Variants in KANSL1 observed in about 807,000 individuals in gnomAD.
KANSL1 encodes the protein MLL1/MLL complex subunit KANSL1.
A neutral mutation model predicts 103.6 loss-of-function variants in KANSL1; 22 were observed. The ratio of observed to expected loss-of-function variants is 0.21; its 90% CI spans 0.15 to 0.30. The LOEUF (loss-of-function observed/expected upper bound fraction) is 0.30. KANSL1 is among the 10% of genes least tolerant of loss of function. The pLI, the probability that KANSL1 is intolerant of heterozygous loss-of-function variation, is 1.00. For synonymous variants in KANSL1, 600 were observed against 527.6 expected, an observed-to-expected ratio of 1.14 and a Z score of -1.88; for missense variants, 1,337 against 1,399.8, an observed-to-expected ratio of 0.96 and a Z score of 0.72.
chr17:46,091,342 A>G (rs1423925469), intron 3 of KANSL1, among the ~76,000 whole-genome samples: 1 of 152,252 alleles, frequency 6.6e-6, no homozygotes, highest in Admixed American at 6.5e-5. Flanking sequence ...TTATTACAAA[A>G]GAGTCAAAAA....
At chr17:46,220,355 T>A (rs1349683970) in intron 1 of KANSL1, among the ~76,000 whole-genome samples, 2 of 151,740 alleles carry the variant, frequency 1.3e-5, no homozygotes, top group African/African-American at 4.8e-5. Context: ...TAGCTGCAAC[T>A]ACAGGCGCCT....
At chr17:46,100,417 G>A (rs2042257972) in intron 2 of KANSL1, among the ~76,000 whole-genome samples, 1 of 139,442 alleles carries the variant, frequency 7.2e-6, no homozygotes. Context: ...CCTTCAGCCT[G>A]TACAACAGAG....
intron 1 of KANSL1, among the ~76,000 whole-genome samples, chr17:46,219,734 C>A (rs1373908142): frequency 6.6e-6 from 1 of 152,244 alleles, no homozygotes; most frequent in African/African-American, 2.4e-5. Flanking sequence ...ATTCAAAATT[C>A]TTGAAGATCC....
intron 1 of KANSL1, among the ~76,000 whole-genome samples, chr17:46,202,938 A>C (rs1224446841): frequency 6.6e-6 from 1 of 152,274 alleles, no homozygotes; most frequent in Non-Finnish European, 1.5e-5. Context: ...CTTTGGTATA[A>C]GAAGTCCTTC....
chr17:46,123,389 G>A (rs1598681912), intron 2 of KANSL1, among the ~76,000 whole-genome samples: 1 of 152,118 alleles, frequency 6.6e-6, no homozygotes, highest in Admixed American at 6.5e-5. Flanking sequence ...AAAAGAAAAA[G>A]AATATATATT....
chr17:46,095,249 C>T lies in KANSL1; in HGVS notation c.1290-548G>A, dbSNP rs1299185277. Among the ~76,000 whole-genome samples the T allele has an allele frequency of 3.9e-5, 6 of 152,066 alleles. No individual in the cohort carries two copies. In the East Asian group the frequency reaches 5.8e-4, roughly 15 times the overall value. Reference sequence around the variant, plus strand: ...GGTAGGACACATTTTTTTAGGATGGCGATTCTCATGAACATCTATAAATTC... The same window carrying T: ...GGTAGGACACATTTTTTTAGGATGGTGATTCTCATGAACATCTATAAATTC... On this transcript the variant is annotated intron_variant, in intron 2 of 14. Transcript: ENST00000432791.
rs1284169061 is a variant in KANSL1, at chr17:46,031,247, C to T, written c.*229G>A. The T allele has an allele frequency of 1.7e-6, 1 of 591,248 alleles. No individual in the cohort carries two copies. Among genetic ancestry groups the T allele is most frequent in the East Asian group, 2.8e-5 (1 of 35,826 alleles). 36.6% of individuals were successfully genotyped at this position (591,248 alleles called of 1,614,324 possible). The stretch of plus-strand genomic sequence containing the variant: ...GCCAGCAGGGTCTCATCCTGAACTT[C>T]TGTTTGCCAACGGGAGGAAGTGCTC... On this transcript the variant is annotated 3_prime_UTR_variant, in exon 15 of 15. Transcript: ENST00000432791.
intron 6 of KANSL1, among the ~76,000 whole-genome samples, chr17:46,054,999 C>T (rs1191449255): frequency 6.6e-6 from 1 of 151,736 alleles, no homozygotes; most frequent in African/African-American, 2.4e-5. Context: ...TATAGGCGCC[C>T]GCCACAACAC....
At chr17:46,188,893 C>T (rs2047161457) in intron 1 of KANSL1, among the ~76,000 whole-genome samples, 1 of 151,832 alleles carries the variant, frequency 6.6e-6, no homozygotes, top group African/African-American at 2.4e-5. Context: ...ATTAGCCAGG[C>T]GTGGTGGTGG....
At chr17:46,058,176 T>A (rs904963533) in intron 6 of KANSL1, among the ~76,000 whole-genome samples, 2 of 152,172 alleles carry the variant, frequency 1.3e-5, no homozygotes, top group Non-Finnish European at 2.9e-5. Flanking sequence ...GAAATCTTCA[T>A]AAGATCCCCC....
At chr17:46,077,071 A>C (rs1011311636) in intron 4 of KANSL1, among the ~76,000 whole-genome samples, 9 of 152,126 alleles carry the variant, frequency 5.9e-5, no homozygotes, top group Non-Finnish European at 5.9e-5. Context: ...TGTTTGTTTG[A>C]GGCAGGGTCT....
chr17:46,118,258 G>GT (rs1339119132), intron 2 of KANSL1, among the ~76,000 whole-genome samples: 2 of 152,326 alleles, frequency 1.3e-5, no homozygotes, highest in East Asian at 1.9e-4. Context: ...AAAAAATTCA[G>GT]TAAGTTGCCA....
At chr17:46,216,353 A>G (rs2048337718) in intron 1 of KANSL1, among the ~76,000 whole-genome samples, 1 of 152,160 alleles carries the variant, frequency 6.6e-6, no homozygotes, top group African/African-American at 2.4e-5. Flanking sequence ...TGACTCACAC[A>G]CTTTGGGAGG....
chr17:46,102,268 G>T (rs75952668), intron 2 of KANSL1, among the ~76,000 whole-genome samples: 2 of 149,738 alleles, frequency 1.3e-5, no homozygotes, highest in Non-Finnish European at 3.0e-5. Flanking sequence ...TTTTTTTTTT[G>T]AGATGGAATC....
chr17:46,157,232 G>C (rs1198448638), intron 2 of KANSL1, among the ~76,000 whole-genome samples: 2 of 152,192 alleles, frequency 1.3e-5, no homozygotes, highest in African/African-American at 4.8e-5. Context: ...CCTGATCACT[G>C]TTTAAGTACT....
chr17:46,205,960 C>T (rs924556219), intron 1 of KANSL1, among the ~76,000 whole-genome samples: 27 of 151,868 alleles, frequency 1.8e-4, no homozygotes, highest in Admixed American at 3.9e-4. Flanking sequence ...ACCTGTAATC[C>T]TAGCTGCTTG....
chr17:46,215,319 C>T (rs981719025), intron 1 of KANSL1: 7 of 152,458 alleles, frequency 4.6e-5, no homozygotes, highest in East Asian at 1.9e-4. Context: ...TGTACTACTG[C>T]GTACAGGATG....
chr17:46,192,018 G>C (rs1488101730), intron 1 of KANSL1, among the ~76,000 whole-genome samples: 1 of 151,864 alleles, frequency 6.6e-6, no homozygotes, highest in East Asian at 1.9e-4. Flanking sequence ...GGGGGGGACC[G>C]AGGAAAAGGA....
chr17:46,172,355 G>C, intron 1 of KANSL1, 123 bp from the exon 2 acceptor site: 1 of 600,850 alleles, frequency 1.7e-6, no homozygotes, highest in Non-Finnish European at 2.8e-6. Context: ...ACACTCTGGA[G>C]CTAACTGTAC....
Sources: gnomAD v4.1 joint callset for allele counts (sites outside exome capture counted in the v4.1 genomes callset) on GRCh38, gnomAD v4.1.1 for gene constraint, MANE v1.5 for transcripts, NCBI Gene and HGNC (gene_info 2026-07-23, HGNC 2026-07-21) for gene names.